Variants in PRKCB observed in about 807,000 individuals in gnomAD.
PRKCB encodes the protein protein kinase C beta type.
PRKCB carries 13 observed loss-of-function variants against 81.5 expected under a neutral mutation model. The observed-to-expected ratio is 0.16, with a 90% CI of 0.10 to 0.25. The LOEUF (loss-of-function observed/expected upper bound fraction) is 0.25, where lower values mean the gene tolerates loss of function less well. Ranked by LOEUF, PRKCB falls within the 10% of genes least tolerant of loss-of-function variation. The pLI is 1.00. For synonymous variants in PRKCB, 335 were observed against 321.4 expected, an observed-to-expected ratio of 1.04 and a Z score of -0.45; for missense variants, 509 against 875.7, an observed-to-expected ratio of 0.58 and a Z score of 5.29.
intron 9 of PRKCB, among the ~76,000 whole-genome samples, chr16:24,145,576 A>G (rs1420311910): frequency 6.6e-6 from 1 of 152,232 alleles, no homozygotes; most frequent in Non-Finnish European, 1.5e-5. Context: ...AGAGCTGACA[A>G]ATCTTGTGAT....
intron 10 of PRKCB, among the ~76,000 whole-genome samples, chr16:24,167,682 G>A (rs184707319): frequency 6.6e-6 from 1 of 152,282 alleles, no homozygotes; most frequent in Admixed American, 6.5e-5. Context: ...AGCTCTTTGA[G>A]GGGAGGACAC....
intron 2 of PRKCB, among the ~76,000 whole-genome samples, chr16:23,919,437 A>G (rs1597245755): frequency 6.6e-6 from 1 of 151,372 alleles, no homozygotes; most frequent in Admixed American, 6.6e-5. Flanking sequence ...AAAATACCGG[A>G]TAGGGTTCCT....
intron 13 of PRKCB, among the ~76,000 whole-genome samples, chr16:24,181,771 C>CAAAAAAAAAAAAAAAAAAAAAAAAAA (rs71154286): frequency 2.8e-4 from 7 of 24,570 alleles, no homozygotes; most frequent in Admixed American, 6.2e-4. Context: ...GACCCTGTCT[C>CAAAAAAAAAAAAAAAAAAAAAAAAAA]AAAAAAAAAA....
At chr16:24,150,881 CCCGTTCTGTTTT>C (rs1967070153) in intron 9 of PRKCB, among the ~76,000 whole-genome samples, 1 of 152,198 alleles carries the variant, frequency 6.6e-6, no homozygotes, top group Non-Finnish European at 1.5e-5. Context: ...CTTATGCATG[CCCGTTCTGTTTT>C]CCGTTAATCA....
chr16:24,010,919 C>T (rs1965195188), intron 3 of PRKCB, among the ~76,000 whole-genome samples: 1 of 152,072 alleles, frequency 6.6e-6, no homozygotes, highest in Admixed American at 6.5e-5. Flanking sequence ...CCTACGAGTG[C>T]AATGGTACCA....
intron 2 of PRKCB, among the ~76,000 whole-genome samples, chr16:23,875,760 A>ATGTATATTACACATATATGTG (rs1963002377): frequency 7.8e-6 from 1 of 129,000 alleles, no homozygotes; most frequent in Non-Finnish European, 1.6e-5. Context: ...ACATATATGT[A>ATGTATATTACACATATATGTG]TGTATATCAC....
At chr16:24,080,308 CTT>C (rs1596539854) in intron 5 of PRKCB, among the ~76,000 whole-genome samples, 2 of 152,290 alleles carry the variant, frequency 1.3e-5, no homozygotes, top group East Asian at 3.9e-4. Context: ...CTATGGCACA[CTT>C]ATTATTGTTC....
chr16:24,065,439 C>T (rs1966021335), intron 5 of PRKCB, among the ~76,000 whole-genome samples: 1 of 151,878 alleles, frequency 6.6e-6, no homozygotes, highest in African/African-American at 2.4e-5. Flanking sequence ...TATATTAGTA[C>T]TTTTATTACG....
At chr16:24,088,280 T>C (rs553823957) in intron 5 of PRKCB, among the ~76,000 whole-genome samples, 1 of 152,118 alleles carries the variant, frequency 6.6e-6, no homozygotes, top group Non-Finnish European at 1.5e-5. Context: ...TCAGGATGCA[T>C]TCCACAGCAT....
chr16:24,008,855 T>A (rs1965163426), intron 3 of PRKCB, among the ~76,000 whole-genome samples: 1 of 152,226 alleles, frequency 6.6e-6, no homozygotes, highest in Non-Finnish European at 1.5e-5. Context: ...ATTCCCCATT[T>A]TGCCCTTCTT....
At chr16:24,164,901 G>A (rs1031630096) in intron 10 of PRKCB, among the ~76,000 whole-genome samples, 5 of 152,292 alleles carry the variant, frequency 3.3e-5, no homozygotes, top group Middle Eastern at 3.4e-3. Flanking sequence ...GGGAACAAAG[G>A]CAAATTTAAG....
chr16:23,976,338 A>G (rs1461044782), intron 2 of PRKCB, among the ~76,000 whole-genome samples: 1 of 152,158 alleles, frequency 6.6e-6, no homozygotes, highest in African/African-American at 2.4e-5. Flanking sequence ...AACGGATGGC[A>G]GATGCAAATT....
intron 2 of PRKCB, among the ~76,000 whole-genome samples, chr16:23,980,618 A>G (rs1474632614): frequency 6.6e-6 from 1 of 152,148 alleles, no homozygotes; most frequent in Non-Finnish European, 1.5e-5. Flanking sequence ...TTAGCCTGTA[A>G]TTCCTGTAGG....
Position 24,219,194 on chromosome 16 carries a change from AC to A in PRKCB, c.*4379del. The A allele has an allele frequency of 1.0e-6, 1 of 985,424 alleles. No homozygotes were observed. The highest frequency in any genetic ancestry group is 1.2e-6 in the Non-Finnish European group (1 of 829,974). 61.0% of individuals were successfully genotyped at this position (985,424 alleles called of 1,614,324 possible). A position where few individuals can be genotyped will look rare whatever the true frequency, so the allele number is the denominator to read the frequency against. ...AATTTCTTCTCCACCTCCCTACTGA[AC>A]AAAAAAAGAAATGCCAGACTTACTA... On this transcript the variant is annotated 3_prime_UTR_variant, in exon 17 of 17. Transcript: ENST00000643927.
intron 2 of PRKCB, among the ~76,000 whole-genome samples, chr16:23,965,297 G>A (rs544149404): frequency 7.8e-4 from 119 of 152,274 alleles, no homozygotes; most frequent in African/African-American, 2.7e-3. Context: ...CTCCAGCTGC[G>A]TCCATGTTGC....
At chr16:24,147,503 C>T (rs893183221) in intron 9 of PRKCB, among the ~76,000 whole-genome samples, 1 of 151,984 alleles carries the variant, frequency 6.6e-6, no homozygotes, top group Non-Finnish European at 1.5e-5. Context: ...TGAATGCACA[C>T]CAAGCTCATC....
chr16:24,019,004 C>T (rs2141843064), intron 3 of PRKCB, among the ~76,000 whole-genome samples: 1 of 152,210 alleles, frequency 6.6e-6, no homozygotes, highest in African/African-American at 2.4e-5. Context: ...TGATGTGTTA[C>T]TCACGGTGGT....
chr16:23,918,581 G>A (rs1447733368), intron 2 of PRKCB, among the ~76,000 whole-genome samples: 4 of 151,996 alleles, frequency 2.6e-5, no homozygotes, highest in African/African-American at 9.7e-5. Flanking sequence ...ATTTTTAGTA[G>A]AGGTGGGGTC....
intron 2 of PRKCB, among the ~76,000 whole-genome samples, chr16:23,895,311 T>C (rs1963361303): frequency 6.6e-6 from 1 of 151,948 alleles, no homozygotes; most frequent in Non-Finnish European, 1.5e-5. Flanking sequence ...TGCCAGAGTG[T>C]CACTGTTTTA....
Sources: gnomAD v4.1 joint callset for allele counts (sites outside exome capture counted in the v4.1 genomes callset) on GRCh38, gnomAD v4.1.1 for gene constraint, MANE v1.5 for transcripts, NCBI Gene and HGNC (gene_info 2026-07-23, HGNC 2026-07-21) for gene names.